Variants in KNL1 observed in about 807,000 individuals in gnomAD.
KNL1 encodes the protein outer kinetochore KNL1 complex subunit KNL1.
In KNL1, 66 loss-of-function variants were observed where a neutral mutation model predicts 201.3. The observed-to-expected ratio is 0.33, with a 90% CI of 0.27 to 0.40. KNL1 has a LOEUF of 0.40. Ranked by LOEUF, KNL1 falls within the 10% of genes least tolerant of loss-of-function variation. The probability of loss-of-function intolerance (pLI) is 1.00; values close to 1 mark genes in which losing one functional copy is unlikely to be tolerated. For synonymous variants in KNL1, 895 were observed against 899.2 expected, an observed-to-expected ratio of 1.00 and a Z score of 0.08; for missense variants, 2,815 against 2,690.5, an observed-to-expected ratio of 1.05 and a Z score of -1.02.
At position 40,652,472 on chromosome 15, in the gene KNL1, T is replaced by C. The variant is rs1364484840; in HGVS notation, c.6415+367T>C. Among the ~76,000 whole-genome samples, 3 of 113,732 alleles carry C rather than the reference T, an allele frequency of 2.6e-5. No homozygotes were observed. The East Asian group carries it at 6.3e-4, about 24-fold the overall frequency. 74.6% of individuals were successfully genotyped at this position (113,732 alleles called of 152,430 possible). On this transcript the variant is annotated intron_variant, in intron 21 of 25. Transcript: ENST00000399668. ...TGGAGATTCTTTTTTTTTTTTTTTTTCTTTTTTTACTTAAGAGTGAGGCCC... is the reference window on the plus strand; with the variant it reads ...TGGAGATTCTTTTTTTTTTTTTTTTCCTTTTTTTACTTAAGAGTGAGGCCC...
intron 4 of KNL1, 31 bp downstream of exon 4, chr15:40,606,483 G>A: frequency 8.4e-7 from 1 of 1,186,786 alleles, no homozygotes; most frequent in Admixed American, 1.8e-5. Context: ...CTTTATAGAT[G>A]ACTATTTTCA....
chr15:40,623,991 G>A lies in KNL1; in HGVS notation c.3727G>A (p.Glu1243Lys). ...LFAATNRTTN[E>K]IIKFHSAAMD... ...TGCTGCTACTAATAGAACTACTAATGAAATCATCAAATTTCATAGTGCTGC... is the reference window on the plus strand; with the variant it reads ...TGCTGCTACTAATAGAACTACTAATAAAATCATCAAATTTCATAGTGCTGC... The change falls in exon 10 of 26, where the codon GAA becomes AAA. Residue 1243 changes from glutamate (E) to lysine (K), a missense_variant. Glu to Lys is a moderately conservative substitution (Grantham distance 56). This residue lies in a region of KNL1 where 2,464 missense variants were observed against 2,291.7 expected (regional missense o/e 1.08). Coordinates refer to ENST00000399668, the MANE Select transcript of KNL1 (RefSeq NM_144508.5). 1 of 1,613,816 alleles carries A rather than the reference G, an allele frequency of 6.2e-7. No individual in the cohort carries two copies.
intron 7 of KNL1, among the ~76,000 whole-genome samples, chr15:40,612,055 C>T (rs1285402076): frequency 2.6e-5 from 4 of 152,070 alleles, no homozygotes; most frequent in African/African-American, 9.7e-5. Context: ...CAGTGGCTTA[C>T]GCCTGTAAAC....
At chr15:40,605,175 A>C (rs1305455434) in intron 3 of KNL1, 26 bp downstream of exon 3, 1 of 1,287,414 alleles carries the variant, frequency 7.8e-7, no homozygotes, top group African/African-American at 1.5e-5. Context: ...TTGAATTAAT[A>C]ATTGTCAGCT....
intron 21 of KNL1, among the ~76,000 whole-genome samples, chr15:40,654,012 G>T (rs1893648452): frequency 1.3e-5 from 2 of 152,174 alleles, no homozygotes. Flanking sequence ...TGTAGTTCTT[G>T]CTGTGTTTAT....
At position 40,622,018 on chromosome 15, in the gene KNL1, A is replaced by G. The variant is rs146553005; in HGVS notation, c.1754A>G (p.Gln585Arg). 4.9e-5 allele frequency: 79 copies of G among 1,614,130 alleles called. No individual in the cohort carries two copies. In the East Asian group the frequency reaches 1.6e-3, roughly 34 times the overall value. Reference protein sequence around the residue: ...TESHTSNLGSQVPLAAYNLAP... With the variant: ...TESHTSNLGSRVPLAAYNLAP... ...AGTCACACAAGTAACTTAGGAAGTC[A>G]GGTTCCTCTTGCAGCTTATAATCTA... The change falls in exon 10 of 26, where the codon CAG becomes CGG. Residue 585 changes from glutamine to arginine, a missense_variant. Gln to Arg is a conservative substitution (Grantham distance 43, BLOSUM62 1). Coordinates refer to ENST00000399668, the MANE Select transcript of KNL1 (RefSeq NM_144508.5).
chr15:40,664,202 A>G lies in KNL1; in HGVS notation c.*2014A>G. The stretch of plus-strand genomic sequence containing the variant: ...CTGCTTTTTTGGGTTTGGAGTACAC[A>G]ATTGTAATATTTACTTAGTTATTTG... On this transcript the variant is annotated 3_prime_UTR_variant, in exon 26 of 26. Transcript: ENST00000399668. 1 of 181,416 alleles carries G rather than the reference A, an allele frequency of 5.5e-6. No homozygotes were observed. Among genetic ancestry groups the G allele is most frequent in the East Asian group, 9.0e-5 (1 of 11,060 alleles). The allele number at this position is 181,416 out of a possible 1,614,324, so 11.2% of individuals were successfully genotyped here. A position where few individuals can be genotyped will look rare whatever the true frequency, so the allele number is the denominator to read the frequency against.
intron 2 of KNL1, among the ~76,000 whole-genome samples, chr15:40,603,440 A>C (rs931463702): frequency 6.6e-6 from 1 of 152,210 alleles, no homozygotes; most frequent in African/African-American, 2.4e-5. Flanking sequence ...AGTAGATGTT[A>C]CAGACTCATA....
intron 9 of KNL1, 107 bp downstream of exon 9, chr15:40,619,118 A>C: frequency 1.2e-6 from 1 of 808,356 alleles, no homozygotes; most frequent in Non-Finnish European, 2.1e-6. Context: ...TAAAAAAATG[A>C]ATCAGCATAA....
At chr15:40,610,580 C>G (rs1274081939) in intron 6 of KNL1, among the ~76,000 whole-genome samples, 1 of 151,808 alleles carries the variant, frequency 6.6e-6, no homozygotes, top group Admixed American at 6.6e-5. Flanking sequence ...TCCTGTAGCC[C>G]CAGCTACTCA....
In KNL1 at chr15:40,625,218, A is replaced by G. The variant is rs193134958; in HGVS notation, c.4954A>G (p.Ile1652Val). ...TAAAGTAAGGAGATGTTCTTTGGGA[A>G]TCTTTTTGCCTAGATTGCCCAACAA... ...KDKVRRCSLGIFLPRLPNKRN... is the reference protein window; with the variant it reads ...KDKVRRCSLGVFLPRLPNKRN... The change falls in exon 10 of 26, where the codon ATC (isoleucine) becomes GTC (valine). Residue 1652 changes from isoleucine (I) to valine (V), a missense_variant. Physicochemically the swap from Ile to Val is conservative, Grantham distance 29. Transcript: ENST00000399668. The G allele has an allele frequency of 5.1e-5, 83 of 1,614,014 alleles. No individual in the cohort carries two copies. In the East Asian group the frequency reaches 1.6e-3, roughly 30 times the overall value.
At position 40,621,195 on chromosome 15, in the gene KNL1, A is replaced by T; in HGVS notation, c.931A>T (p.Ile311Phe). 1 of 1,612,186 alleles carries T rather than the reference A, an allele frequency of 6.2e-7. No individual in the cohort carries two copies. The highest frequency in any genetic ancestry group is 8.5e-7 in the Non-Finnish European group (1 of 1,178,848). Residue 311 changes from isoleucine to phenylalanine, a missense_variant, in exon 10 of 26, where the codon ATT becomes TTT. Ile to Phe is a conservative substitution (Grantham distance 21). Transcript: ENST00000399668. ...CTCACGGGAATCTAAAGGTAATGAT[A>T]TTACAATTTATGGCAATGACTTTAT... Reference protein sequence around the residue: ...TNSRESKGNDITIYGNDFMDL... With the variant: ...TNSRESKGNDFTIYGNDFMDL...
At position 40,657,054 on chromosome 15, in the gene KNL1, C is replaced by A; in HGVS notation, c.6497C>A (p.Pro2166His). Reference sequence around the variant, plus strand: ...TTTCCTTCCCCAGAGGATCAAGCTCCTCCTTCCTCCCTTTTAGTTCATAAG... The same window carrying A: ...TTTCCTTCCCCAGAGGATCAAGCTCATCCTTCCTCCCTTTTAGTTCATAAG... Reference protein sequence around the residue: ...FQSLLDEDQAPPSSLLVHKLI... With the variant: ...FQSLLDEDQAHPSSLLVHKLI... The change falls in exon 23 of 26, where the codon CCT becomes CAT. Residue 2166 changes from proline to histidine, a missense_variant. By Grantham distance (77) the Pro-to-His change is moderately conservative (BLOSUM62 -2). Coordinates refer to ENST00000399668, the MANE Select transcript of KNL1 (RefSeq NM_144508.5). 6.4e-7 allele frequency: 1 copy of A among 1,566,546 alleles called. No individual in the cohort carries two copies. The highest frequency in any genetic ancestry group is 1.4e-5 in the African/African-American group (1 of 73,270).
At chr15:40,650,444 A>G (rs1278375750) in intron 18 of KNL1, 66 bp downstream of exon 18, 1 of 1,568,560 alleles carries the variant, frequency 6.4e-7, no homozygotes, top group Non-Finnish European at 8.7e-7. Flanking sequence ...GTTTGTTTAT[A>G]TACTTTGGTG....
rs754232254 is a variant in KNL1 at position 40,659,401 on chromosome 15, C to T, written c.6776C>T (p.Ser2259Leu). 1 of 1,613,512 alleles carries T rather than the reference C, an allele frequency of 6.2e-7. No individual in the cohort carries two copies. The highest frequency in any genetic ancestry group is 8.5e-7 in the Non-Finnish European group (1 of 1,179,402). The part of the protein sequence containing the change: ...FAKFEITLFL[S>L]AYYPSVPLPS... ...AAGTTTGAAATAACTTTGTTTCTCT[C>T]AGCCTATTATCCATCTGTACCATTA... The change falls in exon 25 of 26, where the codon TCA (serine) becomes TTA (leucine). Residue 2259 changes from serine to leucine, a missense_variant. This residue lies in a region of KNL1 where 334 missense variants were observed against 362.6 expected (regional missense o/e 0.92). Coordinates refer to ENST00000399668, the MANE Select transcript of KNL1 (RefSeq NM_144508.5).
intron 1 of KNL1, among the ~76,000 whole-genome samples, chr15:40,596,541 C>A (rs1891625528): frequency 6.6e-6 from 1 of 151,726 alleles, no homozygotes; most frequent in Non-Finnish European, 1.5e-5. Context: ...CTCCCAAAGT[C>A]CTGGGATTAC....
At chr15:40,658,409 A>G (rs1185670131) in intron 24 of KNL1, among the ~76,000 whole-genome samples, 1 of 150,430 alleles carries the variant, frequency 6.6e-6, no homozygotes, top group Non-Finnish European at 1.5e-5. Flanking sequence ...GGTGCCTGTA[A>G]TCCCAGCTGC....
At chr15:40,627,942 TCTTCA>T (rs935436870) in intron 10 of KNL1, 123 bp from the exon 11 acceptor site, 7 of 659,636 alleles carry the variant, frequency 1.1e-5, no homozygotes, top group Non-Finnish European at 1.7e-5. Flanking sequence ...TTATTCTAAT[TCTTCA>T]CTAAGATATT....
At chr15:40,640,166 G>A (rs1437748756) in intron 13 of KNL1, among the ~76,000 whole-genome samples, 2 of 143,552 alleles carry the variant, frequency 1.4e-5, no homozygotes, top group South Asian at 2.2e-4. Context: ...GCGCAATCTC[G>A]GCTCACTGCA....
Sources: allele counts gnomAD v4.1 joint callset (sites outside exome capture counted in the v4.1 genomes callset), GRCh38; gene constraint gnomAD v4.1.1; regional missense constraint gnomAD v4.1.1; transcripts MANE v1.5; gene names NCBI Gene and HGNC (gene_info 2026-07-23, HGNC 2026-07-21).